The following TENM3 variants were observed in gnomAD, a reference collection of about 807,000 sequenced individuals.
The protein encoded by TENM3 is teneurin transmembrane protein 3.
TENM3 carries 63 observed loss-of-function variants against 255.1 expected under a neutral mutation model. The ratio of observed to expected loss-of-function variants is 0.25; its 90% CI spans 0.20 to 0.30. The LOEUF (loss-of-function observed/expected upper bound fraction) is 0.30, where lower values mean the gene tolerates loss of function less well. Ranked by LOEUF, TENM3 falls within the 10% of genes least tolerant of loss-of-function variation. TENM3 has a pLI of 1.00. For synonymous variants in TENM3, 1,306 were observed against 1,322.3 expected, an observed-to-expected ratio of 0.99 and a Z score of 0.27; for missense variants, 2,929 against 3,461.1, an observed-to-expected ratio of 0.85 and a Z score of 3.86.
At chr4:181,542,158 G>T in the TENM3 span, among the ~76,000 whole-genome samples, 2 of 152,170 alleles carry the variant, frequency 1.3e-5, 1 homozygote, top group East Asian at 3.9e-4. Context: ...AGGAAATAAA[G>T]TAGAAAGTGT....
At chr4:182,691,699 A>G (rs1561116433) in intron 12 of TENM3, among the ~76,000 whole-genome samples, 1 of 152,224 alleles carries the variant, frequency 6.6e-6, no homozygotes, top group Non-Finnish European at 1.5e-5. Flanking sequence ...TGATGCATGC[A>G]GATGGAAAAT....
chr4:181,451,410 T>A, the TENM3 span, among the ~76,000 whole-genome samples: 2 of 152,152 alleles, frequency 1.3e-5, no homozygotes, highest in African/African-American at 4.8e-5. Flanking sequence ...CCAAGTGCAG[T>A]GAGAAACCAT....
chr4:181,557,918 G>A, the TENM3 span, among the ~76,000 whole-genome samples: 2 of 152,206 alleles, frequency 1.3e-5, no homozygotes, highest in African/African-American at 2.4e-5. Context: ...AGACGTTGTA[G>A]GAGAGTGAAG....
At chr4:182,064,335 T>G in the TENM3 span, among the ~76,000 whole-genome samples, 217 of 152,136 alleles carry the variant, frequency 1.4e-3, 2 homozygotes, top group African/African-American at 4.8e-3. Flanking sequence ...TCCCAGCACT[T>G]TGGGAGGCTG....
At chr4:182,692,638 G>T (rs1159323543) in intron 12 of TENM3, among the ~76,000 whole-genome samples, 1 of 152,190 alleles carries the variant, frequency 6.6e-6, no homozygotes, top group Non-Finnish European at 1.5e-5. Context: ...TGGAGAATAT[G>T]GGTTTACAAT....
rs374231467 is a variant in TENM3 at position 182,737,090 on chromosome 4, A to T, written c.3235+15A>T. 87 of 1,603,006 alleles carry T rather than the reference A, an allele frequency of 5.4e-5. No homozygotes were observed. The highest frequency in any genetic ancestry group is 1.4e-5 in the Non-Finnish European group (16 of 1,175,232). The stretch of plus-strand genomic sequence containing the variant: ...TGAAGCTGTTGGTAAGTTCCATATA[A>T]ATCTTTGCTGCAGTGAAGTTTTTCT... On this transcript the variant is annotated intron_variant, in intron 17 of 27. Coordinates refer to ENST00000511685, the MANE Select transcript of TENM3 (RefSeq NM_001080477.4).
chr4:181,729,027 A>G, the TENM3 span, among the ~76,000 whole-genome samples: 1 of 152,228 alleles, frequency 6.6e-6, no homozygotes, highest in African/African-American at 2.4e-5. Context: ...CATGCAAAAC[A>G]CTGTGAACAC....
intron 1 of TENM3, among the ~76,000 whole-genome samples, chr4:182,166,738 G>A (rs1414325926): frequency 1.3e-5 from 2 of 151,960 alleles, no homozygotes; most frequent in Non-Finnish European, 2.9e-5. Flanking sequence ...TTAAAGCGAT[G>A]CTCCTGCCTC....
the TENM3 span, among the ~76,000 whole-genome samples, chr4:182,063,160 A>C: frequency 1.3e-5 from 2 of 152,240 alleles, no homozygotes; most frequent in Non-Finnish European, 2.9e-5. Context: ...TTAGTGCTGC[A>C]CTGTAATCTG....
chr4:182,411,614 T>TCTGGG (rs1285796950), intron 3 of TENM3, among the ~76,000 whole-genome samples: 1 of 152,182 alleles, frequency 6.6e-6, no homozygotes, highest in African/African-American at 2.4e-5. Context: ...CAGATGATGC[T>TCTGGG]AATGCAAGTG....
chr4:181,447,700 C>A, the TENM3 span, among the ~76,000 whole-genome samples: 1 of 152,306 alleles, frequency 6.6e-6, no homozygotes, highest in Non-Finnish European at 1.5e-5. Flanking sequence ...GGCCTAGGCA[C>A]AACCCGCTGT....
At chr4:182,014,253 T>C in the TENM3 span, among the ~76,000 whole-genome samples, 1 of 151,586 alleles carries the variant, frequency 6.6e-6, no homozygotes, top group Non-Finnish European at 1.5e-5. Flanking sequence ...TGAGCTAACG[T>C]GCTAACACAC....
At chr4:182,769,565 C>G (rs143612077) in intron 22 of TENM3, among the ~76,000 whole-genome samples, 1,913 of 149,234 alleles carry the variant, frequency 0.013, 104 homozygotes, top group South Asian at 0.077. Flanking sequence ...GGGAGGATCA[C>G]GAGGTCAGGA....
the TENM3 span, among the ~76,000 whole-genome samples, chr4:181,561,349 TTTC>T: frequency 6.6e-6 from 1 of 150,706 alleles, no homozygotes; most frequent in South Asian, 2.1e-4. Flanking sequence ...AACCAAAAAC[TTTC>T]TTGAGTATGA....
At chr4:182,236,891 G>A (rs72696071) in intron 1 of TENM3, among the ~76,000 whole-genome samples, 11,680 of 152,172 alleles carry the variant, frequency 0.077, 604 homozygotes, top group Non-Finnish European at 0.11. Flanking sequence ...TGCAGTTTTG[G>A]TACATAGATA....
the TENM3 span, among the ~76,000 whole-genome samples, chr4:181,888,514 A>ATATATATATGTATATATATATATATG: frequency 1.1e-4 from 3 of 27,666 alleles, no homozygotes; most frequent in Non-Finnish European, 2.1e-4. Flanking sequence ...ATATATATAT[A>ATATATATATGTATATATATATATATG]TGTATATATA....
chr4:182,091,506 T>C, the TENM3 span, among the ~76,000 whole-genome samples: 1 of 152,072 alleles, frequency 6.6e-6, no homozygotes, highest in African/African-American at 2.4e-5. Context: ...GGTTTTGAGA[T>C]CTAGGAGCTC....
chr4:182,444,400 A>ATAT (rs1772737778), intron 3 of TENM3, among the ~76,000 whole-genome samples: 1 of 152,198 alleles, frequency 6.6e-6, no homozygotes, highest in Admixed American at 6.5e-5. Flanking sequence ...AATTTTGGTA[A>ATAT]CAATTTCTTT....
At chr4:181,969,054 TACAC>T in the TENM3 span, among the ~76,000 whole-genome samples, 1 of 151,028 alleles carries the variant, frequency 6.6e-6, no homozygotes, top group East Asian at 2.0e-4. Flanking sequence ...ATTTCCCCCA[TACAC>T]AAACACACAC....
Sources: gnomAD v4.1 joint callset for allele counts (sites outside exome capture counted in the v4.1 genomes callset) on GRCh38, gnomAD v4.1.1 for gene constraint, MANE v1.5 for transcripts, NCBI Gene and HGNC (gene_info 2026-07-23, HGNC 2026-07-21) for gene names.